SPATA6: variants seen among roughly 807,000 people sequenced by gnomAD.
SPATA6 encodes spermatogenesis associated 6.
SPATA6 carries 56 observed loss-of-function variants against 65.3 expected under a neutral mutation model. The observed-to-expected ratio is 0.86, with a 90% CI of 0.69 to 1.07. SPATA6 has a LOEUF of 1.07. Among genes scored for constraint, SPATA6 ranks in the 50% least tolerant of loss-of-function variants. The pLI is 0.00. For missense variants in SPATA6, 590 were observed against 594.8 expected, an observed-to-expected ratio of 0.99 and a Z score of 0.08; for synonymous variants, 199 against 213.2, an observed-to-expected ratio of 0.93 and a Z score of 0.58.
chr1:48,373,037 C>T (rs1647474294), intron 9 of SPATA6, among the ~76,000 whole-genome samples: 1 of 152,206 alleles, frequency 6.6e-6, no homozygotes, highest in South Asian at 2.1e-4. Context: ...GACATTTTCC[C>T]TGTGGTCTTG....
At chr1:48,326,004 T>C (rs1187373545) in intron 11 of SPATA6, 1 of 196,944 alleles carries the variant, frequency 5.1e-6, no homozygotes, top group Non-Finnish European at 1.1e-5. Flanking sequence ...CAATAATCAG[T>C]TTCTCAATTA....
At chr1:48,457,427 A>G (rs1472376642) in intron 1 of SPATA6, among the ~76,000 whole-genome samples, 1 of 152,038 alleles carries the variant, frequency 6.6e-6, no homozygotes, top group African/African-American at 2.4e-5. Flanking sequence ...GCAAGACTCC[A>G]TCTCAAAAAA....
chr1:48,320,179 T>G (rs553526586), intron 11 of SPATA6, among the ~76,000 whole-genome samples: 13 of 152,256 alleles, frequency 8.5e-5, no homozygotes, highest in Non-Finnish European at 1.8e-4. Context: ...GAAAAAGAGA[T>G]AGGGTAGAAA....
chr1:48,300,186 A>G (rs1644904011), intron 12 of SPATA6, among the ~76,000 whole-genome samples: 1 of 152,180 alleles, frequency 6.6e-6, no homozygotes, highest in African/African-American at 2.4e-5. Flanking sequence ...CAGTGTTATA[A>G]TTTTACTAAC....
intron 3 of SPATA6, among the ~76,000 whole-genome samples, chr1:48,440,826 G>A (rs1655393390): frequency 6.6e-6 from 1 of 152,200 alleles, no homozygotes; most frequent in African/African-American, 2.4e-5. Context: ...CCTGGGCTCT[G>A]AACAAAATCT....
chr1:48,452,913 T>C, intron 2 of SPATA6, 81 bp downstream of exon 2: 2 of 1,473,410 alleles, frequency 1.4e-6, no homozygotes, highest in Non-Finnish European at 9.1e-7. Flanking sequence ...CAGTAATAAT[T>C]TGTGTTATAG....
chr1:48,471,679 G>C (rs2245681), intron 1 of SPATA6, among the ~76,000 whole-genome samples: 21,635 of 152,182 alleles, frequency 0.14, 1,767 homozygotes, highest in African/African-American at 0.21. Flanking sequence ...TAGGAGCGAG[G>C]AAAGAACTCT....
At chr1:48,337,514 A>C (rs112529004) in intron 11 of SPATA6, among the ~76,000 whole-genome samples, 2,243 of 151,868 alleles carry the variant, frequency 0.015, 54 homozygotes, top group African/African-American at 0.051. Context: ...TAGAAACCCT[A>C]AATAACAAAA....
At chr1:48,441,959 G>A (rs1027441150) in intron 3 of SPATA6, among the ~76,000 whole-genome samples, 1 of 152,186 alleles carries the variant, frequency 6.6e-6, no homozygotes, top group African/African-American at 2.4e-5. Flanking sequence ...AAATATGCAG[G>A]TGTGTGGCCC....
At chr1:48,311,120 G>C (rs539328250) in intron 11 of SPATA6, among the ~76,000 whole-genome samples, 1 of 152,004 alleles carries the variant, frequency 6.6e-6, no homozygotes, top group Admixed American at 6.6e-5. Context: ...CATGAAAAAA[G>C]AAGACCTCAA....
chr1:48,358,394 A>C (rs1210941891), intron 10 of SPATA6, among the ~76,000 whole-genome samples: 3 of 151,498 alleles, frequency 2.0e-5, no homozygotes, highest in Non-Finnish European at 4.4e-5. Flanking sequence ...TTTATTTATA[A>C]AAGTATTTAT....
At chr1:48,356,064 G>A (rs1646651163) in intron 10 of SPATA6, among the ~76,000 whole-genome samples, 1 of 151,684 alleles carries the variant, frequency 6.6e-6, no homozygotes, top group South Asian at 2.1e-4. Flanking sequence ...ATTCCTTTCT[G>A]CAGAGAAAAA....
At chr1:48,411,329 T>C in intron 5 of SPATA6, 135 bp downstream of exon 5, 1 of 1,018,588 alleles carries the variant, frequency 9.8e-7, no homozygotes, top group Non-Finnish European at 1.3e-6. Flanking sequence ...AATTAAGATT[T>C]AAACTACAAA....
chr1:48,370,434 T>C (rs914648896), intron 9 of SPATA6, among the ~76,000 whole-genome samples: 9 of 152,210 alleles, frequency 5.9e-5, no homozygotes, highest in Non-Finnish European at 8.8e-5. Flanking sequence ...GCCAAGAACA[T>C]TCCTTAGTGA....
At chr1:48,380,125 A>C (rs1219099768) in intron 9 of SPATA6, among the ~76,000 whole-genome samples, 2 of 152,276 alleles carry the variant, frequency 1.3e-5, no homozygotes, top group African/African-American at 4.8e-5. Context: ...GCCTATGCAA[A>C]GTACATTCAT....
intron 9 of SPATA6, among the ~76,000 whole-genome samples, chr1:48,370,651 C>G (rs1026388304): frequency 3.3e-5 from 5 of 152,186 alleles, no homozygotes; most frequent in African/African-American, 1.2e-4. Context: ...CTGTTCTATT[C>G]ACTTACATAT....
At chr1:48,311,869 C>A (rs1409562977) in intron 11 of SPATA6, among the ~76,000 whole-genome samples, 1 of 152,182 alleles carries the variant, frequency 6.6e-6, no homozygotes, top group Non-Finnish European at 1.5e-5. Flanking sequence ...CACTCCCACC[C>A]TAATACTGTG....
At chr1:48,292,079 A>T (rs1225343314), downstream of SPATA6, among the ~76,000 whole-genome samples, 1 of 152,190 alleles carries the variant, frequency 6.6e-6, no homozygotes, top group Admixed American at 6.5e-5. Context: ...GGGGTCAGTT[A>T]CTGTAAGTTT....
At chr1:48,395,988 C>A (rs1650548971) in intron 7 of SPATA6, among the ~76,000 whole-genome samples, 1 of 151,584 alleles carries the variant, frequency 6.6e-6, no homozygotes, top group South Asian at 2.1e-4. Flanking sequence ...GGGTTATTAT[C>A]CAGAATAAAG....
Sources: allele counts gnomAD v4.1 joint callset (sites outside exome capture counted in the v4.1 genomes callset), GRCh38; gene constraint gnomAD v4.1.1; transcripts MANE v1.5; gene names NCBI Gene and HGNC (gene_info 2026-07-23, HGNC 2026-07-21).